The following NELL1 variants were observed in gnomAD, a reference collection of about 807,000 sequenced individuals.
The protein encoded by NELL1 is neural EGFL like 1.
In NELL1, 76 loss-of-function variants were observed where a neutral mutation model predicts 107.4. The observed-to-expected ratio is 0.71, with a 90% CI of 0.59 to 0.86. The LOEUF (loss-of-function observed/expected upper bound fraction) is 0.86, where lower values mean the gene tolerates loss of function less well. Among genes scored for constraint, NELL1 ranks in the 40% least tolerant of loss-of-function variants. The pLI is 0.00. For synonymous variants in NELL1, 353 were observed against 341.2 expected (o/e 1.03, Z -0.38); for missense variants, 1,024 against 1,005.5 (o/e 1.02, Z -0.25).
chr11:20,707,728 G>A (rs1447273675), intron 2 of NELL1, among the ~76,000 whole-genome samples: 2 of 152,188 alleles, frequency 1.3e-5, no homozygotes, highest in Non-Finnish European at 2.9e-5. Flanking sequence ...CCTTCCTCTG[G>A]AAGCTTTGTC....
rs1028049846 is a variant in NELL1, at chr11:20,783,950, G to C, written c.335+120G>C. 6.7e-6 allele frequency: 6 copies of C among 889,360 alleles called. No individual in the cohort carries two copies. The South Asian group carries it at 1.2e-4, about 18-fold the overall frequency. 55.1% of individuals were successfully genotyped at this position (889,360 alleles called of 1,614,324 possible). On this transcript the variant is annotated intron_variant, in intron 3 of 19. Transcript: ENST00000357134. ...TTCATCTAACTGAGGCCTCATTTCTGTTGAACACATTCATGAATTTACTTT... is the reference window on the plus strand; with the variant it reads ...TTCATCTAACTGAGGCCTCATTTCTCTTGAACACATTCATGAATTTACTTT...
intron 12 of NELL1, among the ~76,000 whole-genome samples, chr11:21,044,782 T>C (rs1213666300): frequency 6.6e-6 from 1 of 152,084 alleles, no homozygotes; most frequent in Non-Finnish European, 1.5e-5. Flanking sequence ...TTAGACAGTG[T>C]GGTTTCTCTG....
chr11:21,131,939 G>A (rs1855628142), intron 13 of NELL1, among the ~76,000 whole-genome samples: 1 of 152,172 alleles, frequency 6.6e-6, no homozygotes, highest in South Asian at 2.1e-4. Flanking sequence ...TGCACATCAG[G>A]AGATTTCTGA....
In NELL1 at chr11:21,171,207, A is replaced by T. The variant is rs190343536; in HGVS notation, c.1426+57493A>T. Among the ~76,000 whole-genome samples, 17 of 151,800 alleles carry T rather than the reference A, an allele frequency of 1.1e-4. No individual in the cohort carries two copies. The East Asian group carries it at 3.3e-3, about 29-fold the overall frequency. ...TATCAGTTCCTGTAGAACTCCTAAC[A>T]AAGGGTACCCATTTTAGCCCCATTG... On this transcript the variant is annotated intron_variant, in intron 13 of 19. Transcript: ENST00000357134.
At chr11:21,373,434 A>G (rs1565193208) in intron 15 of NELL1, among the ~76,000 whole-genome samples, 3 of 152,090 alleles carry the variant, frequency 2.0e-5, no homozygotes, top group Admixed American at 6.6e-5. Context: ...ATTACACTAA[A>G]TCTTTCATTT....
At chr11:20,716,518 C>A (rs1001374107) in intron 2 of NELL1, among the ~76,000 whole-genome samples, 1 of 152,144 alleles carries the variant, frequency 6.6e-6, no homozygotes, top group Non-Finnish European at 1.5e-5. Flanking sequence ...CCAGATGTCA[C>A]TATTAATGTG....
At chr11:21,434,566 T>C (rs1564891621) in intron 15 of NELL1, among the ~76,000 whole-genome samples, 1 of 152,154 alleles carries the variant, frequency 6.6e-6, no homozygotes, top group Non-Finnish European at 1.5e-5. Context: ...ATTTTTATAA[T>C]AATACTGCAC....
At chr11:21,507,074 A>C (rs571357052) in intron 15 of NELL1, among the ~76,000 whole-genome samples, 14 of 152,338 alleles carry the variant, frequency 9.2e-5, no homozygotes, top group Admixed American at 4.6e-4. Context: ...GCTCAGAGTA[A>C]AACAAGTATT....
rs1476531377 is a variant in NELL1, at chr11:21,198,599, G to T, written c.1427-30733G>T. Among the ~76,000 whole-genome samples, 5 of 152,136 alleles carry T rather than the reference G, an allele frequency of 3.3e-5. No homozygotes were observed. In the East Asian group the frequency reaches 7.7e-4, roughly 23 times the overall value. On this transcript the variant is annotated intron_variant, in intron 13 of 19. Coordinates refer to ENST00000357134, the MANE Select transcript of NELL1 (RefSeq NM_006157.5). ...AATTTTCCTTTGAAAAGCAACATTG[G>T]CCCATAGTGTACACATTTTGTTTAT...
At chr11:20,900,035 A>G (rs1219924280) in intron 5 of NELL1, among the ~76,000 whole-genome samples, 1 of 152,136 alleles carries the variant, frequency 6.6e-6, no homozygotes, top group Admixed American at 6.6e-5. Context: ...TTACCTCACA[A>G]TTTTGTGCAT....
chr11:21,045,774 A>G (rs1166913640), intron 12 of NELL1, among the ~76,000 whole-genome samples: 1 of 152,210 alleles, frequency 6.6e-6, no homozygotes, highest in Non-Finnish European at 1.5e-5. Context: ...TTGAAATTAA[A>G]TTAAACATAT....
intron 5 of NELL1, among the ~76,000 whole-genome samples, chr11:20,890,022 G>A (rs977139495): frequency 1.3e-5 from 2 of 152,170 alleles, no homozygotes; most frequent in African/African-American, 4.8e-5. Flanking sequence ...CATTAAACAG[G>A]TCCTGCTCCC....
At chr11:21,346,857 C>T (rs1260260848) in intron 14 of NELL1, among the ~76,000 whole-genome samples, 3 of 152,040 alleles carry the variant, frequency 2.0e-5, no homozygotes, top group African/African-American at 7.2e-5. Context: ...TACTCAAAAG[C>T]CATTTACTAT....
intron 15 of NELL1, among the ~76,000 whole-genome samples, chr11:21,425,262 T>C (rs1945424): frequency 0.34 from 51,614 of 151,864 alleles, 9,113 homozygotes; most frequent in South Asian, 0.47. Context: ...AAAATTCATA[T>C]AGAATTTCAA....
intron 3 of NELL1, among the ~76,000 whole-genome samples, chr11:20,830,824 C>T (rs975016713): frequency 1.3e-5 from 2 of 152,094 alleles, no homozygotes; most frequent in Admixed American, 1.3e-4. Context: ...CTCAGGATAG[C>T]GAGAACTCAC....
chr11:21,518,295 T>C (rs1431203538), intron 15 of NELL1, among the ~76,000 whole-genome samples: 2 of 152,186 alleles, frequency 1.3e-5, no homozygotes, highest in African/African-American at 2.4e-5. Flanking sequence ...TCTCTGGGTG[T>C]AATCAGATGA....
chr11:21,344,956 C>A (rs915147033), intron 14 of NELL1, among the ~76,000 whole-genome samples: 8 of 152,052 alleles, frequency 5.3e-5, no homozygotes, highest in African/African-American at 1.9e-4. Flanking sequence ...TTATTGAAGT[C>A]TTTCCCAAAG....
chr11:20,762,569 G>A (rs1391040606), intron 2 of NELL1, among the ~76,000 whole-genome samples: 1 of 152,098 alleles, frequency 6.6e-6, no homozygotes, highest in East Asian at 1.9e-4. Context: ...TGCATGGAAC[G>A]ACTGGGTGTG....
intron 2 of NELL1, among the ~76,000 whole-genome samples, chr11:20,760,947 T>TCTCA (rs1484914805): frequency 6.6e-6 from 1 of 152,188 alleles, no homozygotes; most frequent in Admixed American, 6.5e-5. Flanking sequence ...ATGCGCAGCT[T>TCTCA]CTCAGAGTGC....
Sources: allele counts gnomAD v4.1 joint callset (sites outside exome capture counted in the v4.1 genomes callset), GRCh38; gene constraint gnomAD v4.1.1; transcripts MANE v1.5; gene names NCBI Gene and HGNC (gene_info 2026-07-23, HGNC 2026-07-21).